Variants in PTPN20 observed in about 807,000 individuals in gnomAD.
PTPN20 encodes tyrosine-protein phosphatase non-receptor type 20.
PTPN20 carries 9 observed loss-of-function variants against 35.0 expected under a neutral mutation model. That is an observed-to-expected ratio of 0.26 (90% CI 0.15 to 0.45). PTPN20 has a LOEUF of 0.45. PTPN20 is among the 20% of genes least tolerant of loss of function. PTPN20 has a pLI of 1.00. For missense variants in PTPN20, 111 were observed against 312.5 expected, an observed-to-expected ratio of 0.36 and a Z score of 4.86; for synonymous variants, 32 against 100.2, an observed-to-expected ratio of 0.32 and a Z score of 4.06.
chr10:47,000,633 C>G (rs2138278030), intron 10 of PTPN20, 43 bp from the exon 11 acceptor site: 1 of 1,604,432 alleles, frequency 6.2e-7, no homozygotes, highest in Non-Finnish European at 8.5e-7. Context: ...TTCTGTTATT[C>G]AATTACTTAA....
chr10:46,935,768 A>G (rs1456047978), intron 2 of PTPN20, among the ~76,000 whole-genome samples: 2 of 152,312 alleles, frequency 1.3e-5, no homozygotes, highest in South Asian at 2.1e-4. Context: ...TGATGAACAT[A>G]CATGTGCATA....
intron 9 of PTPN20, among the ~76,000 whole-genome samples, chr10:46,995,333 CTTTTTTT>C (rs878968027): frequency 4.7e-5 from 4 of 85,658 alleles, no homozygotes; most frequent in Non-Finnish European, 8.7e-5. Flanking sequence ...TTTTTTTTTT[CTTTTTTT>C]TTTTTTTTTT....
At chr10:46,992,756 G>A (rs2058236989) in intron 9 of PTPN20, among the ~76,000 whole-genome samples, 1 of 152,118 alleles carries the variant, frequency 6.6e-6, no homozygotes, top group Non-Finnish European at 1.5e-5. Context: ...ACAATTTCTG[G>A]CGAGCTAGTA....
At chr10:46,920,713 G>C (rs1400912680) in intron 1 of PTPN20, among the ~76,000 whole-genome samples, 3 of 129,032 alleles carry the variant, frequency 2.3e-5, no homozygotes, top group African/African-American at 3.5e-5. Flanking sequence ...AGGCCACTGT[G>C]GGGGCTGGGG....
Position 47,000,752 on chromosome 10 carries a change from T to C in PTPN20, c.*11T>C, listed in dbSNP as rs2059950268. On this transcript the variant is annotated 3_prime_UTR_variant, in exon 11 of 11. Transcript: ENST00000374339. ...CTGACTTTGGATTAAGAAAGACTTC[T>C]GTTGCCTCTCACTTGAAATTACCAA... is the stretch of plus-strand genomic sequence containing the variant. The C allele has an allele frequency of 6.2e-7, 1 of 1,613,546 alleles. No homozygotes were observed. Among genetic ancestry groups the C allele is most frequent in the Non-Finnish European group, 8.5e-7 (1 of 1,179,528 alleles).
chr10:46,989,562 AT>A (rs1165801829), intron 9 of PTPN20, among the ~76,000 whole-genome samples: 240 of 3,034 alleles, frequency 0.079, 6 homozygotes, highest in African/African-American at 0.22. Context: ...TTTGTTGAGG[AT>A]TTTTTTTTTT....
In PTPN20 at chr10:46,932,358, G is replaced by A. The variant is rs2039979751; in HGVS notation, c.-123-19G>A. 6.2e-7 allele frequency: 1 copy of A among 1,600,396 alleles called. No homozygotes were observed. The highest frequency in any genetic ancestry group is 1.3e-5 in the African/African-American group (1 of 74,244). ...CAGTTGTGTAACAGAAAAATCTTTGGCTTTGTGTGTTTTACCAGGTGAACA... is the reference window on the plus strand; with the variant it reads ...CAGTTGTGTAACAGAAAAATCTTTGACTTTGTGTGTTTTACCAGGTGAACA... On this transcript the variant is annotated intron_variant, in intron 1 of 10. Transcript: ENST00000374339.
chr10:46,957,503 A>C (rs1212255438), intron 5 of PTPN20, among the ~76,000 whole-genome samples: 1 of 152,092 alleles, frequency 6.6e-6, no homozygotes, highest in Non-Finnish European at 1.5e-5. Context: ...TGGGAGGCCA[A>C]GGCAGGCAGA....
In PTPN20 at chr10:46,954,100, T is replaced by G. The variant is rs1191389746; in HGVS notation, c.340+7425T>G. On this transcript the variant is annotated intron_variant, in intron 5 of 10. Transcript: ENST00000374339. ...TTAGTTTTTAGTTTTTTTTTTTTTT[T>G]GGGGGGGGGTGCTTTTATAACAAAA... 3.8e-3 allele frequency among the ~76,000 whole-genome samples: 365 copies of G among 97,026 alleles called. 37 individuals carry two copies. The highest frequency in any genetic ancestry group is 5.8e-3 in the Non-Finnish European group (294 of 50,860). 63.7% of individuals were successfully genotyped at this position (97,026 alleles called of 152,430 possible).
intron 9 of PTPN20, among the ~76,000 whole-genome samples, chr10:46,996,623 T>G (rs1225671926): frequency 6.6e-6 from 1 of 152,232 alleles, no homozygotes; most frequent in Non-Finnish European, 1.5e-5. Context: ...AGTTCATATT[T>G]GACATTTAAG....
rs1589282051 is a variant in PTPN20, at chr10:46,932,316, C to G, written c.-123-61C>G. ...TTTGAATTGATGAGTAATAATATGT[C>G]AAAGCTGTGATAGCTCCAGTTGTGT... On this transcript the variant is annotated intron_variant, in intron 1 of 10. Transcript: ENST00000374339. 4.5e-6 allele frequency: 7 copies of G among 1,552,970 alleles called. No homozygotes were observed. The East Asian group carries it at 1.4e-4, about 30-fold the overall frequency.
intron 9 of PTPN20, among the ~76,000 whole-genome samples, chr10:46,995,146 G>C (rs2058811635): frequency 6.6e-6 from 1 of 151,922 alleles, no homozygotes; most frequent in Non-Finnish European, 1.5e-5. Flanking sequence ...TATCCATTTG[G>C]GGAGGTCATG....
intron 9 of PTPN20, 25 bp from the exon 10 acceptor site, chr10:46,999,887 C>T (rs782542724): frequency 6.2e-7 from 1 of 1,613,124 alleles, no homozygotes; most frequent in African/African-American, 1.3e-5. Flanking sequence ...GTGGATCATA[C>T]AAAATTACTG....
chr10:46,949,496 C>T (rs1416355535), intron 5 of PTPN20, among the ~76,000 whole-genome samples: 3 of 152,094 alleles, frequency 2.0e-5, no homozygotes, highest in African/African-American at 7.3e-5. Flanking sequence ...AGATTGCAGA[C>T]TACTTGGTTG....
chr10:46,975,700 C>T (rs1256937001), intron 7 of PTPN20, among the ~76,000 whole-genome samples: 1 of 152,016 alleles, frequency 6.6e-6, no homozygotes, highest in Non-Finnish European at 1.5e-5. Flanking sequence ...GTCTCGCTGT[C>T]GCCCAGGCTG....
chr10:46,947,470 C>G (rs1366707195), intron 5 of PTPN20, among the ~76,000 whole-genome samples: 22 of 149,644 alleles, frequency 1.5e-4, no homozygotes, highest in Non-Finnish European at 7.4e-5. Flanking sequence ...TTTTATAAAA[C>G]GAGACATAAT....
intron 1 of PTPN20, 129 bp from the exon 2 acceptor site, chr10:46,932,248 T>G: frequency 7.4e-7 from 1 of 1,355,324 alleles, no homozygotes; most frequent in Admixed American, 2.9e-5. Flanking sequence ...AAATTTCAAA[T>G]GAAATTTATT....
At chr10:46,937,399 T>A (rs1302550840) in intron 2 of PTPN20, among the ~76,000 whole-genome samples, 1 of 152,182 alleles carries the variant, frequency 6.6e-6, no homozygotes, top group African/African-American at 2.4e-5. Context: ...CCTTCTTTGG[T>A]CTGTTGGTTT....
intron 1 of PTPN20, among the ~76,000 whole-genome samples, chr10:46,927,811 A>G (rs1397999729): frequency 2.7e-5 from 4 of 148,194 alleles, no homozygotes; most frequent in African/African-American, 1.0e-4. Flanking sequence ...GTCTTCTGAA[A>G]TAAAGCACCC....
Sources: gnomAD v4.1 joint callset for allele counts (sites outside exome capture counted in the v4.1 genomes callset) on GRCh38, gnomAD v4.1.1 for gene constraint, MANE v1.5 for transcripts, NCBI Gene and HGNC (gene_info 2026-07-23, HGNC 2026-07-21) for gene names.